NRBF2: variants seen among roughly 807,000 people sequenced by gnomAD.
The protein encoded by NRBF2 is nuclear receptor binding factor 2, also known as nuclear receptor-binding factor 2.
Under a neutral mutation model 28.5 loss-of-function variants are expected in NRBF2, and 12 were observed. The observed-to-expected ratio is 0.42, with a 90% CI of 0.27 to 0.68. NRBF2 has a LOEUF of 0.68. Ranked by LOEUF, NRBF2 falls within the 30% of genes least tolerant of loss-of-function variation. The probability of loss-of-function intolerance (pLI) is 0.24; values close to 1 mark genes in which losing one functional copy is unlikely to be tolerated. For missense variants in NRBF2, 274 were observed against 333.5 expected, an observed-to-expected ratio of 0.82 and a Z score of 1.39; for synonymous variants, 102 against 116.5, an observed-to-expected ratio of 0.88 and a Z score of 0.80.
intron 2 of NRBF2, among the ~76,000 whole-genome samples, chr10:63,149,942 ATTTTTTTTT>A (rs60700597): frequency 3.0e-5 from 4 of 133,366 alleles, no homozygotes; most frequent in African/African-American, 1.1e-4. Context: ...GTCTCCACAG[ATTTTTTTTT>A]TTTTTTTTGA....
chr10:63,149,643 A>G (rs2132693270), intron 2 of NRBF2, among the ~76,000 whole-genome samples: 2 of 152,298 alleles, frequency 1.3e-5, no homozygotes, highest in African/African-American at 4.8e-5. Flanking sequence ...CACTTATAAG[A>G]TTTAAATGTG....
At chr10:63,152,647 A>G (rs976595729) in intron 3 of NRBF2, among the ~76,000 whole-genome samples, 14 of 152,178 alleles carry the variant, frequency 9.2e-5, no homozygotes, top group Non-Finnish European at 1.9e-4. Context: ...TGTTTCACCA[A>G]TTGCTTTAAA....
chr10:63,151,369 G>T (rs1217752362), intron 2 of NRBF2, among the ~76,000 whole-genome samples: 1 of 152,144 alleles, frequency 6.6e-6, no homozygotes, highest in Admixed American at 6.5e-5. Flanking sequence ...TCTTACAGAT[G>T]AATGTACAAT....
At chr10:63,151,387 C>T (rs187550251) in intron 2 of NRBF2, among the ~76,000 whole-genome samples, 6 of 152,124 alleles carry the variant, frequency 3.9e-5, no homozygotes, top group African/African-American at 9.6e-5. Context: ...AATAAAATAT[C>T]GAATGTAATT....
chr10:63,138,895 AGG>A (rs1244300257), intron 1 of NRBF2, among the ~76,000 whole-genome samples: 1 of 152,210 alleles, frequency 6.6e-6, no homozygotes, highest in East Asian at 1.9e-4. Context: ...TGATTGGGAA[AGG>A]GGGAGTGAGT....
In NRBF2 at chr10:63,154,536, G is replaced by T; in HGVS notation, c.*318G>T. On this transcript the variant is annotated 3_prime_UTR_variant, in exon 4 of 4. Coordinates refer to ENST00000277746, the MANE Select transcript of NRBF2 (RefSeq NM_030759.5). ...CAACAGTTATTTTTCTTATCTTCAG[G>T]GTTAAAATGTATAAAAGTTATGTGT... is the stretch of plus-strand genomic sequence containing the variant. 2 of 208,832 alleles carry T rather than the reference G, an allele frequency of 9.6e-6. No individual in the cohort carries two copies. Among genetic ancestry groups the T allele is most frequent in the Admixed American group, 5.4e-5 (1 of 18,410 alleles). 12.9% of individuals were successfully genotyped at this position (208,832 alleles called of 1,614,324 possible). A position where few individuals can be genotyped will look rare whatever the true frequency, so the allele number is the denominator to read the frequency against.
chr10:63,133,992 CA>C (rs1201676176), intron 1 of NRBF2, among the ~76,000 whole-genome samples: 1 of 137,224 alleles, frequency 7.3e-6, no homozygotes, highest in Non-Finnish European at 1.6e-5. Context: ...TCCCCCTCCT[CA>C]CCCTCCACTT....
At chr10:63,140,705 CT>C (rs201387308) in intron 1 of NRBF2, among the ~76,000 whole-genome samples, 156 of 144,722 alleles carry the variant, frequency 1.1e-3, no homozygotes, top group Middle Eastern at 3.6e-3. Flanking sequence ...CAGCCTATTA[CT>C]TTTTTTTTTT....
intron 1 of NRBF2, among the ~76,000 whole-genome samples, chr10:63,141,577 G>C (rs1301779825): frequency 1.3e-5 from 2 of 152,160 alleles, no homozygotes; most frequent in East Asian, 3.8e-4. Context: ...GTATGTACCA[G>C]TACCAGGCAC....
In NRBF2 at chr10:63,150,390, ACT is replaced by A. The variant is rs1841629738; in HGVS notation, c.116-1757_116-1756del. On this transcript the variant is annotated intron_variant, in intron 2 of 3. Transcript: ENST00000277746. ...AGCTGGAGCAAAGACTGTATAACCAACTCTGTTTTTTCTTTCCTTTTTTTTTT... is the reference window on the plus strand; with the variant it reads ...AGCTGGAGCAAAGACTGTATAACCAACTGTTTTTTCTTTCCTTTTTTTTTT... 3 of 977,356 alleles carry A rather than the reference ACT, an allele frequency of 3.1e-6. No individual in the cohort carries two copies. In the South Asian group the frequency reaches 1.4e-4, roughly 46 times the overall value. The allele number at this position is 977,356 out of a possible 1,614,324, so 60.5% of individuals were successfully genotyped here. A position where few individuals can be genotyped will look rare whatever the true frequency, so the allele number is the denominator to read the frequency against.
In NRBF2 at chr10:63,142,780, C is replaced by CTTTTTTTTTTTTTTTTT. The variant is rs781293012; in HGVS notation, c.31-3425_31-3409dup. On this transcript the variant is annotated intron_variant, in intron 1 of 3. Coordinates refer to ENST00000277746, the MANE Select transcript of NRBF2 (RefSeq NM_030759.5). ...AGTCATTTCTTTTCTTTCTTTCTTT[C>CTTTTTTTTTTTTTTTTT]TTTTTTTTTTTTTTTTTTTTGAGGC... Among the ~76,000 whole-genome samples the CTTTTTTTTTTTTTTTTT allele has an allele frequency of 1.7e-3, 130 of 74,918 alleles. 13 individuals carry two copies. The highest frequency in any genetic ancestry group is 5.7e-3 in the African/African-American group (98 of 17,122). 49.1% of individuals were successfully genotyped at this position (74,918 alleles called of 152,430 possible). A position where few individuals can be genotyped will look rare whatever the true frequency, so the allele number is the denominator to read the frequency against.
At chr10:63,150,069 G>A (rs1042828072) in intron 2 of NRBF2, among the ~76,000 whole-genome samples, 2 of 151,066 alleles carry the variant, frequency 1.3e-5, no homozygotes, top group South Asian at 2.1e-4. Context: ...AGCTTCCCTA[G>A]TAGCTGGGAT....
rs1285909886 is a variant in NRBF2 at position 63,154,257 on chromosome 10, A to G, written c.*39A>G. ...AGAAAAGGGGAAAAGAGGAAATAAT[A>G]CAGTAATCGTTAATCCAGCAAAAAG... On this transcript the variant is annotated 3_prime_UTR_variant, in exon 4 of 4. Coordinates refer to ENST00000277746, the MANE Select transcript of NRBF2 (RefSeq NM_030759.5). 9.4e-6 allele frequency: 11 copies of G among 1,165,910 alleles called. No individual in the cohort carries two copies. Among genetic ancestry groups the G allele is most frequent in the South Asian group, 1.4e-5 (1 of 71,118 alleles). 72.2% of individuals were successfully genotyped at this position (1,165,910 alleles called of 1,614,324 possible).
rs35751397 is a variant in NRBF2, at chr10:63,154,256, T to TA, written c.*39dup. 583,492 of 1,265,976 alleles carry TA rather than the reference T, an allele frequency of 0.46. 138,649 individuals carry two copies. Among genetic ancestry groups the TA allele is most frequent in the South Asian group, 0.53 (39,703 of 75,340 alleles). The allele number at this position is 1,265,976 out of a possible 1,614,324, so 78.4% of individuals were successfully genotyped here. A position where few individuals can be genotyped will look rare whatever the true frequency, so the allele number is the denominator to read the frequency against. On this transcript the variant is annotated 3_prime_UTR_variant, in exon 4 of 4. Transcript: ENST00000277746. ...CAGAAAAGGGGAAAAGAGGAAATAA[T>TA]ACAGTAATCGTTAATCCAGCAAAAA...
chr10:63,143,574 C>A (rs966790200), intron 1 of NRBF2, among the ~76,000 whole-genome samples: 11 of 151,896 alleles, frequency 7.2e-5, no homozygotes, highest in Non-Finnish European at 1.3e-4. Context: ...GATTCTCTTG[C>A]TTCAGCCTCC....
At chr10:63,147,771 C>CT (rs1475012538) in intron 2 of NRBF2, among the ~76,000 whole-genome samples, 73 of 151,690 alleles carry the variant, frequency 4.8e-4, no homozygotes, top group Non-Finnish European at 5.9e-4. Context: ...CCCACCCCCG[C>CT]TTTTTTTAAA....
At chr10:63,146,683 T>G (rs1236812889) in intron 2 of NRBF2, among the ~76,000 whole-genome samples, 1 of 152,236 alleles carries the variant, frequency 6.6e-6, no homozygotes, top group Non-Finnish European at 1.5e-5. Context: ...TCACTGAGCT[T>G]CTGTTTTCTA....
rs1354526481 is a variant in NRBF2 at position 63,154,680 on chromosome 10, T to C, written c.*462T>C. On this transcript the variant is annotated 3_prime_UTR_variant, in exon 4 of 4. Coordinates refer to ENST00000277746, the MANE Select transcript of NRBF2 (RefSeq NM_030759.5). ...GCATTGACTGTATGCATTTTGTTAA[T>C]GCACATTCTGTTTGTTTAAGGTGTG... The C allele has an allele frequency of 6.4e-6, 1 of 156,420 alleles. No homozygotes were observed. Among genetic ancestry groups the C allele is most frequent in the African/African-American group, 2.4e-5 (1 of 41,502 alleles). The allele number at this position is 156,420 out of a possible 1,614,324, so 9.7% of individuals were successfully genotyped here.
chr10:63,149,182 T>G (rs1326802543), intron 2 of NRBF2, among the ~76,000 whole-genome samples: 1 of 152,154 alleles, frequency 6.6e-6, no homozygotes. Flanking sequence ...GAGTGCATGA[T>G]CTCAGCTCAC....
Sources: gnomAD v4.1 joint callset for allele counts (sites outside exome capture counted in the v4.1 genomes callset) on GRCh38, gnomAD v4.1.1 for gene constraint, MANE v1.5 for transcripts, NCBI Gene and HGNC (gene_info 2026-07-23, HGNC 2026-07-21) for gene names.